The following CNTN4 variants were observed in gnomAD, a reference collection of about 807,000 sequenced individuals.
CNTN4 encodes the protein contactin-4.
CNTN4 carries 77 observed loss-of-function variants against 122.5 expected under a neutral mutation model. The ratio of observed to expected loss-of-function variants is 0.63; its 90% CI spans 0.52 to 0.76. CNTN4 has a LOEUF of 0.76. Among genes scored for constraint, CNTN4 ranks in the 30% least tolerant of loss-of-function variants. The pLI, the probability that CNTN4 is intolerant of heterozygous loss-of-function variation, is 0.00. For missense variants in CNTN4, 1,256 were observed against 1,259.1 expected, an observed-to-expected ratio of 1.00 and a Z score of 0.04; for synonymous variants, 512 against 447.0, an observed-to-expected ratio of 1.15 and a Z score of -1.83.
chr3:2,444,100 T>C (rs949738423), intron 3 of CNTN4, among the ~76,000 whole-genome samples: 1 of 152,100 alleles, frequency 6.6e-6, no homozygotes, highest in Non-Finnish European at 1.5e-5. Flanking sequence ...ATGTTCTTTT[T>C]AAGGCTTTTC....
At chr3:2,755,789 G>A (rs2090310431) in intron 6 of CNTN4, among the ~76,000 whole-genome samples, 1 of 151,956 alleles carries the variant, frequency 6.6e-6, no homozygotes, top group African/African-American at 2.4e-5. Flanking sequence ...ATGAAAATTG[G>A]CGAATGAAAC....
chr3:2,410,554 C>T (rs2047192426), intron 3 of CNTN4, among the ~76,000 whole-genome samples: 1 of 152,062 alleles, frequency 6.6e-6, no homozygotes, highest in Non-Finnish European at 1.5e-5. Flanking sequence ...TTTTATTATC[C>T]TATTTTCATA....
intron 4 of CNTN4, among the ~76,000 whole-genome samples, chr3:2,683,063 A>G (rs920401083): frequency 1.3e-5 from 2 of 152,244 alleles, no homozygotes; most frequent in Admixed American, 1.3e-4. Flanking sequence ...CTCTCCTTAG[A>G]TTCTCTATAA....
intron 6 of CNTN4, among the ~76,000 whole-genome samples, chr3:2,804,737 C>CTT (rs370653933): frequency 6.9e-6 from 1 of 144,880 alleles, no homozygotes; most frequent in Non-Finnish European, 1.5e-5. Flanking sequence ...ATTTTGAGCA[C>CTT]TTTTTTTTTG....
In CNTN4 at chr3:2,672,026, T is replaced by G. The variant is rs529184562; in HGVS notation, c.56-64189T>G. 5.3e-5 allele frequency among the ~76,000 whole-genome samples: 8 copies of G among 152,302 alleles called. No homozygotes were observed. In the South Asian group the frequency reaches 1.7e-3, roughly 32 times the overall value. Reference sequence around the variant, plus strand: ...ATGTGAGGTGTCAGTCTGCCCCTACTGGGGGGTGCCTCCCAGTTAGGCTAC... The same window carrying G: ...ATGTGAGGTGTCAGTCTGCCCCTACGGGGGGGTGCCTCCCAGTTAGGCTAC... On this transcript the variant is annotated intron_variant, in intron 4 of 24. Coordinates refer to ENST00000418658, the MANE Select transcript of CNTN4 (RefSeq NM_175607.3).
chr3:2,167,168 A>G (rs1422265722), intron 2 of CNTN4, among the ~76,000 whole-genome samples: 2 of 152,214 alleles, frequency 1.3e-5, no homozygotes, highest in Admixed American at 1.3e-4. Context: ...AACCAATTCC[A>G]TGCTGTTTAA....
intron 13 of CNTN4, among the ~76,000 whole-genome samples, chr3:2,942,938 T>C (rs1201618581): frequency 6.6e-6 from 1 of 152,094 alleles, no homozygotes; most frequent in African/African-American, 2.4e-5. Context: ...TAAGACTTTA[T>C]TTACTTTAGG....
chr3:2,600,979 G>T (rs528503923), intron 4 of CNTN4, among the ~76,000 whole-genome samples: 24 of 152,130 alleles, frequency 1.6e-4, no homozygotes, highest in Admixed American at 1.0e-3. Context: ...TCATGTGTCT[G>T]TTGGCTGCAT....
chr3:2,322,697 C>T (rs2043312861), intron 2 of CNTN4, among the ~76,000 whole-genome samples: 1 of 152,084 alleles, frequency 6.6e-6, no homozygotes, highest in African/African-American at 2.4e-5. Context: ...TATGTTAGCT[C>T]TCCACAATAA....
chr3:2,679,808 C>T (rs1221012966), intron 4 of CNTN4, among the ~76,000 whole-genome samples: 3 of 152,154 alleles, frequency 2.0e-5, no homozygotes, highest in Non-Finnish European at 4.4e-5. Context: ...TCCTTGACAT[C>T]ATTCATTCTC....
chr3:3,043,511 C>T lies in CNTN4; in HGVS notation c.2699-81C>T, dbSNP rs548235958. 2.6e-4 allele frequency: 286 copies of T among 1,113,550 alleles called. 3 individuals are homozygous for T. Among genetic ancestry groups the T allele is most frequent in the African/African-American group, 2.0e-3 (132 of 64,598 alleles). The allele number at this position is 1,113,550 out of a possible 1,614,324, so 69.0% of individuals were successfully genotyped here. A position where few individuals can be genotyped will look rare whatever the true frequency, so the allele number is the denominator to read the frequency against. On this transcript the variant is annotated intron_variant, in intron 22 of 24. Coordinates refer to ENST00000418658, the MANE Select transcript of CNTN4 (RefSeq NM_175607.3). ...TAGCCCATTAAATTGCCTCCACTCT[C>T]GAATTCTAGTAAGGAGATATTCCTC...
chr3:3,015,265 C>A (rs1278107182), intron 14 of CNTN4, among the ~76,000 whole-genome samples: 1 of 151,474 alleles, frequency 6.6e-6, no homozygotes, highest in Non-Finnish European at 1.5e-5. Context: ...AATAGTTGCC[C>A]ATTCTGAAGG....
intron 14 of CNTN4, among the ~76,000 whole-genome samples, chr3:3,012,956 G>A (rs780941865): frequency 5.3e-5 from 8 of 151,778 alleles, no homozygotes; most frequent in African/African-American, 1.5e-4. Context: ...CAACAAGAGC[G>A]AAATTCCATC....
At chr3:2,674,784 A>C (rs534600082) in intron 4 of CNTN4, among the ~76,000 whole-genome samples, 2,161 of 151,488 alleles carry the variant, frequency 0.014, 20 homozygotes, top group Admixed American at 0.017. Flanking sequence ...AAAAAACAAA[A>C]AAAAAAAAAA....
chr3:2,138,357 C>T (rs186592786), intron 2 of CNTN4, among the ~76,000 whole-genome samples: 18 of 152,230 alleles, frequency 1.2e-4, no homozygotes, highest in African/African-American at 2.6e-4. Flanking sequence ...TGTGAGCTAC[C>T]GTGCCCAGCC....
chr3:2,438,897 G>A (rs921225757), intron 3 of CNTN4, among the ~76,000 whole-genome samples: 2 of 152,094 alleles, frequency 1.3e-5, no homozygotes, highest in African/African-American at 2.4e-5. Context: ...TCACAGAGAC[G>A]ATAAAGATAT....
intron 4 of CNTN4, among the ~76,000 whole-genome samples, chr3:2,708,156 T>G (rs975264629): frequency 6.6e-6 from 1 of 152,140 alleles, no homozygotes; most frequent in Admixed American, 6.5e-5. Context: ...TATTTCAAAG[T>G]TTCAATGGGT....
At chr3:2,891,748 G>A (rs566221144) in intron 10 of CNTN4, among the ~76,000 whole-genome samples, 73 of 152,324 alleles carry the variant, frequency 4.8e-4, no homozygotes, top group African/African-American at 1.7e-3. Context: ...GTGACAGACT[G>A]CAGTACTTTG....
At position 2,976,778 on chromosome 3, in the gene CNTN4, G is replaced by T. The variant is rs150452704; in HGVS notation, c.1359-11567G>T. On this transcript the variant is annotated intron_variant, in intron 13 of 24. Coordinates refer to ENST00000418658, the MANE Select transcript of CNTN4 (RefSeq NM_175607.3). ...CCACGTATCTTTTGAAATCAAGTATGTAAGCTTGGGCAAATTTCAGCTAAA... is the reference window on the plus strand; with the variant it reads ...CCACGTATCTTTTGAAATCAAGTATTTAAGCTTGGGCAAATTTCAGCTAAA... Among the ~76,000 whole-genome samples the T allele has an allele frequency of 9.1e-3, 1,392 of 152,150 alleles. 76 individuals carry two copies. The highest frequency in any genetic ancestry group is 0.079 in the Admixed American group (1,201 of 15,278).
Sources: allele counts gnomAD v4.1 joint callset (sites outside exome capture counted in the v4.1 genomes callset), GRCh38; gene constraint gnomAD v4.1.1; transcripts MANE v1.5; gene names NCBI Gene and HGNC (gene_info 2026-07-23, HGNC 2026-07-21).